The following VPS53 variants were observed in gnomAD, a reference collection of about 807,000 sequenced individuals.
VPS53 encodes the protein VPS53 subunit of GARP complex.
In VPS53, 70 loss-of-function variants were observed where a neutral mutation model predicts 107.0. The ratio of observed to expected loss-of-function variants is 0.65; its 90% CI spans 0.54 to 0.80. The LOEUF is 0.80. VPS53 is among the 30% of genes least tolerant of loss of function. The pLI is 0.00. For missense variants in VPS53, 917 were observed against 1,049.4 expected (o/e 0.87, Z 1.74); for synonymous variants, 409 against 393.3 (o/e 1.04, Z -0.47).
At chr17:697,788 G>T (rs931205320) in intron 3 of VPS53, among the ~76,000 whole-genome samples, 4 of 152,176 alleles carry the variant, frequency 2.6e-5, no homozygotes, top group Non-Finnish European at 5.9e-5. Flanking sequence ...CATCAGGAAT[G>T]ACAAAGTTCC....
intron 7 of VPS53, among the ~76,000 whole-genome samples, chr17:648,651 G>A (rs1427941519): frequency 6.6e-6 from 1 of 152,016 alleles, no homozygotes; most frequent in African/African-American, 2.4e-5. Flanking sequence ...ACAAACTGAA[G>A]ATCTTACACT....
intron 13 of VPS53, among the ~76,000 whole-genome samples, chr17:582,532 C>CT (rs1967082245): frequency 6.7e-6 from 1 of 149,168 alleles, no homozygotes; most frequent in Non-Finnish European, 1.5e-5. Context: ...AGAGAACCTC[C>CT]ACAGAAGCTC....
chr17:689,905 G>A (rs1972720994), intron 4 of VPS53, among the ~76,000 whole-genome samples: 1 of 152,196 alleles, frequency 6.6e-6, no homozygotes, highest in South Asian at 2.1e-4. Flanking sequence ...CTATGTAAAA[G>A]TGAAGAAGGC....
intron 17 of VPS53, chr17:539,251 G>A: frequency 6.6e-6 from 1 of 152,236 alleles, no homozygotes; most frequent in East Asian, 1.9e-4. Context: ...AAGCAGCTCT[G>A]AAGCAAGACC....
At chr17:636,570 T>C (rs1234424361) in intron 7 of VPS53, among the ~76,000 whole-genome samples, 1 of 152,228 alleles carries the variant, frequency 6.6e-6, no homozygotes, top group Non-Finnish European at 1.5e-5. Flanking sequence ...AGATAGCTCT[T>C]ATTATTTTGA....
At chr17:638,941 T>C (rs1970312858) in intron 7 of VPS53, among the ~76,000 whole-genome samples, 1 of 152,210 alleles carries the variant, frequency 6.6e-6, no homozygotes, top group South Asian at 2.1e-4. Flanking sequence ...TTCTCTGTAT[T>C]TCCTGAATTT....
intron 4 of VPS53, among the ~76,000 whole-genome samples, chr17:686,181 A>T (rs770780237): frequency 3.3e-5 from 5 of 152,036 alleles, no homozygotes; most frequent in Non-Finnish European, 7.4e-5. Context: ...ACAGTCAGGC[A>T]TAGTGGTGTG....
intron 15 of VPS53, 129 bp downstream of exon 15, chr17:560,297 T>G: frequency 1.4e-5 from 17 of 1,226,274 alleles, no homozygotes; most frequent in Non-Finnish European, 1.7e-5. Flanking sequence ...CTTTCCTCTG[T>G]GGCAGGCCAA....
At chr17:705,138 G>A (rs1463551692) in intron 2 of VPS53, among the ~76,000 whole-genome samples, 3 of 152,130 alleles carry the variant, frequency 2.0e-5, no homozygotes, top group Admixed American at 6.6e-5. Flanking sequence ...TGGATGACCT[G>A]AGTATGTTCA....
chr17:682,752 G>T (rs915461888), intron 4 of VPS53, among the ~76,000 whole-genome samples: 1 of 150,994 alleles, frequency 6.6e-6, no homozygotes, highest in African/African-American at 2.4e-5. Context: ...CGCCAAAAAA[G>T]AAAAAAAAGA....
rs1242561248 is a variant in VPS53 at position 515,588 on chromosome 17, G to C, written c.*3540C>G. The stretch of plus-strand genomic sequence containing the variant: ...TGCCCAGGCTTGTCTTGAAGTCCTG[G>C]GCTCAAGCAATCTTCCCACCTCAGC... On this transcript the variant is annotated 3_prime_UTR_variant, in exon 22 of 22. Transcript: ENST00000437048. 6.6e-6 allele frequency: 1 copy of C among 152,106 alleles called. No homozygotes were observed. The highest frequency in any genetic ancestry group is 2.4e-5 in the African/African-American group (1 of 41,402). 9.4% of individuals were successfully genotyped at this position (152,106 alleles called of 1,614,324 possible). A position where few individuals can be genotyped will look rare whatever the true frequency, so the allele number is the denominator to read the frequency against.
At chr17:604,324 C>T (rs1391990416) in intron 11 of VPS53, among the ~76,000 whole-genome samples, 1 of 151,772 alleles carries the variant, frequency 6.6e-6, no homozygotes, top group African/African-American at 2.4e-5. Context: ...CAAGAAAACG[C>T]AGAGGGTAGG....
chr17:565,076 T>C (rs575307888), intron 13 of VPS53, among the ~76,000 whole-genome samples: 279 of 152,226 alleles, frequency 1.8e-3, no homozygotes, highest in African/African-American at 4.5e-3. Context: ...TAGGAGAAAA[T>C]TGACATTTTA....
chr17:682,220 C>G (rs1354697578), intron 4 of VPS53, among the ~76,000 whole-genome samples: 1 of 152,110 alleles, frequency 6.6e-6, no homozygotes, highest in Non-Finnish European at 1.5e-5. Flanking sequence ...TGAGGATTAG[C>G]TGCAGTGTGG....
intron 4 of VPS53, among the ~76,000 whole-genome samples, chr17:680,804 C>A (rs947074015): frequency 6.6e-6 from 1 of 152,174 alleles, no homozygotes; most frequent in African/African-American, 2.4e-5. Context: ...TGAACAGATA[C>A]ACTATGTAAA....
chr17:629,717 C>T (rs952034670), intron 8 of VPS53, among the ~76,000 whole-genome samples: 3 of 151,196 alleles, frequency 2.0e-5, no homozygotes, highest in Non-Finnish European at 2.9e-5. Flanking sequence ...GAGCCGAGAT[C>T]GCACCACGAC....
At chr17:598,354 C>T (rs1374832487) in intron 12 of VPS53, among the ~76,000 whole-genome samples, 2 of 152,004 alleles carry the variant, frequency 1.3e-5, no homozygotes, top group Non-Finnish European at 2.9e-5. Flanking sequence ...CCCAAAGTGC[C>T]GAGATTGCAG....
At chr17:555,487 A>G (rs537849107) in intron 15 of VPS53, among the ~76,000 whole-genome samples, 17 of 151,770 alleles carry the variant, frequency 1.1e-4, no homozygotes, top group African/African-American at 3.1e-4. Flanking sequence ...GTGAGCCACC[A>G]CGCCCGGCCC....
Position 668,397 on chromosome 17 carries a change from A to G in VPS53, c.286-6502T>C, listed in dbSNP as rs1418541723. Among the ~76,000 whole-genome samples the G allele has an allele frequency of 3.9e-5, 6 of 152,178 alleles. No individual in the cohort carries two copies. In the East Asian group the frequency reaches 9.6e-4, roughly 24 times the overall value. ...GCTGGTGCTGAGGCTACCGCTCTGA[A>G]TAAGTGCGCTCATAACCATTCCTCT... On this transcript the variant is annotated intron_variant, in intron 4 of 21. Transcript: ENST00000437048.
Sources: gnomAD v4.1 joint callset for allele counts (sites outside exome capture counted in the v4.1 genomes callset) on GRCh38, gnomAD v4.1.1 for gene constraint, MANE v1.5 for transcripts, NCBI Gene and HGNC (gene_info 2026-07-23, HGNC 2026-07-21) for gene names.